Variants in PSMB9 observed in about 807,000 individuals in gnomAD.
PSMB9 encodes the protein proteasome subunit beta type-9.
In PSMB9, 16 loss-of-function variants were observed where a neutral mutation model predicts 26.9. The observed-to-expected ratio is 0.59, with a 90% CI of 0.40 to 0.90. The LOEUF is 0.90. Among genes scored for constraint, PSMB9 ranks in the 40% least tolerant of loss-of-function variants. The pLI is 0.00. For synonymous variants in PSMB9, 91 were observed against 112.0 expected, an observed-to-expected ratio of 0.81 and a Z score of 1.18; for missense variants, 253 against 292.2, an observed-to-expected ratio of 0.87 and a Z score of 0.98.
rs148645171 is a variant in PSMB9, at chr6:32,859,524, G to C, written c.652G>C (p.Asp218His). ...ILGNELPKFYDE is the reference protein window; with the variant it reads ...ILGNELPKFYHE ...GGGCAATGAACTGCCAAAATTCTAT[G>C]ATGAGTGAACCTTCCCCAGACTTCT... Residue 218 changes from aspartate to histidine, a missense_variant, in exon 6 of 6, where the codon GAT becomes CAT. Coordinates refer to ENST00000374859, the MANE Select transcript of PSMB9 (RefSeq NM_002800.5). 8.7e-5 allele frequency: 141 copies of C among 1,613,608 alleles called. 1 individual carries two copies. In the East Asian group the frequency reaches 1.0e-3, roughly 11 times the overall value.
intron 1 of PSMB9, 39 bp from the exon 2 acceptor site, chr6:32,856,099 T>C (rs780000701): frequency 6.4e-7 from 1 of 1,565,490 alleles, no homozygotes; most frequent in South Asian, 1.1e-5. Context: ...GCATCAAGGC[T>C]GTTCTTGCCC....
intron 5 of PSMB9, chr6:32,859,031 G>A (rs1469090920): frequency 5.2e-6 from 1 of 193,494 alleles, no homozygotes. Context: ...CAGCCTAGGT[G>A]ACAGAGAGAG....
rs200828307 is a variant in PSMB9 at position 32,857,363 on chromosome 6, G to A, written c.229G>A (p.Asp77Asn). ...GSAADAQAVA[D>N]MAAYQLELHG... ...AGCTGCTGATGCCCAAGCCGTGGCCGACATGGCCGCCTACCAGCTGGAGCT... is the reference window on the plus strand; with the variant it reads ...AGCTGCTGATGCCCAAGCCGTGGCCAACATGGCCGCCTACCAGCTGGAGCT... The change falls in exon 3 of 6, where the codon GAC (aspartate) becomes AAC (asparagine). Residue 77 changes from aspartate to asparagine, a missense_variant. Asp to Asn is a conservative substitution (Grantham distance 23). Transcript: ENST00000374859. 59 of 1,612,566 alleles carry A rather than the reference G, an allele frequency of 3.7e-5. No homozygotes were observed. Among genetic ancestry groups the A allele is most frequent in the Non-Finnish European group, 4.7e-5 (55 of 1,180,004 alleles).
Position 32,854,715 on chromosome 6 carries a change from A to T in PSMB9, c.60+426A>T, listed in dbSNP as rs1185667471. Among the ~76,000 whole-genome samples the T allele has an allele frequency of 6.6e-6, 1 of 152,208 alleles. No individual in the cohort carries two copies. Among genetic ancestry groups the T allele is most frequent in the Non-Finnish European group, 1.5e-5 (1 of 68,034 alleles). On this transcript the variant is annotated intron_variant, in intron 1 of 5. Coordinates refer to ENST00000374859, the MANE Select transcript of PSMB9 (RefSeq NM_002800.5). This position sits in a 1 kb window ranked among gnomAD's most constrained non-coding sequence, Gnocchi z 4.6. ...AAGGAAATATAGGCACTTATTGAGA[A>T]GGACCAACTCATCACACAGACTTTT... is the stretch of plus-strand genomic sequence containing the variant.
At position 32,858,175 on chromosome 6, in the gene PSMB9, A is replaced by C. The variant is rs752751804; in HGVS notation, c.390+41A>C. On this transcript the variant is annotated intron_variant, in intron 4 of 5. Coordinates refer to ENST00000374859, the MANE Select transcript of PSMB9 (RefSeq NM_002800.5). This position sits in a 1 kb window ranked among gnomAD's most constrained non-coding sequence, Gnocchi z 5.2. ...AGCACTCTCTCCTCTGGGCTTCCCC[A>C]CTCTCCTGCAGAGGAAGATGGAAGT... 5 of 1,610,902 alleles carry C rather than the reference A, an allele frequency of 3.1e-6. No individual in the cohort carries two copies. The highest frequency in any genetic ancestry group is 1.7e-5 in the Admixed American group (1 of 59,840).
chr6:32,856,383 A>T (rs1771161593), intron 2 of PSMB9, 178 bp downstream of exon 2: 1 of 629,168 alleles, frequency 1.6e-6, no homozygotes. Context: ...GAATTTGTGG[A>T]GGAGGATCTG....
intron 3 of PSMB9, 53 bp downstream of exon 3, chr6:32,857,447 C>A: frequency 6.3e-7 from 1 of 1,582,948 alleles, no homozygotes. Flanking sequence ...CCCCAACCTG[C>A]ATGAATCCCT....
chr6:32,857,964 C>A, intron 3 of PSMB9, 41 bp from the exon 4 acceptor site: 1 of 1,611,920 alleles, frequency 6.2e-7, no homozygotes. Flanking sequence ...GAGAATGAGA[C>A]TTAAAATTCT....
At position 32,857,951 on chromosome 6, in the gene PSMB9, T is replaced by C. The variant is rs557892734; in HGVS notation, c.261-54T>C. 1.9e-6 allele frequency: 3 copies of C among 1,607,358 alleles called. No individual in the cohort carries two copies. In the South Asian group the frequency reaches 3.3e-5, roughly 18 times the overall value. Reference sequence around the variant, plus strand: ...TTTAGCAGGGATGATGGTAACAGTATAGGAGAATGAGACTTAAAATTCTAT... The same window carrying C: ...TTTAGCAGGGATGATGGTAACAGTACAGGAGAATGAGACTTAAAATTCTAT... On this transcript the variant is annotated intron_variant, in intron 3 of 5. Coordinates refer to ENST00000374859, the MANE Select transcript of PSMB9 (RefSeq NM_002800.5).
At chr6:32,857,956 G>T in intron 3 of PSMB9, 49 bp from the exon 4 acceptor site, 17 of 1,610,272 alleles carry the variant, frequency 1.1e-5, no homozygotes, top group Non-Finnish European at 1.4e-5. Context: ...CAGTATAGGA[G>T]AATGAGACTT....
In PSMB9 at chr6:32,858,166, G is replaced by T. The variant is rs751924687; in HGVS notation, c.390+32G>T. On this transcript the variant is annotated intron_variant, in intron 4 of 5. Transcript: ENST00000374859. This position sits in a 1 kb window ranked among gnomAD's most constrained non-coding sequence, Gnocchi z 5.2. ...TTCTCCCAAAGCACTCTCTCCTCTG[G>T]GCTTCCCCACTCTCCTGCAGAGGAA... The T allele has an allele frequency of 3.7e-6, 6 of 1,612,148 alleles. No homozygotes were observed. Among genetic ancestry groups the T allele is most frequent in the Non-Finnish European group, 5.1e-6 (6 of 1,179,476 alleles).
In PSMB9 at chr6:32,857,170, C is replaced by T. The variant is rs141272379; in HGVS notation, c.129-93C>T. On this transcript the variant is annotated intron_variant, in intron 2 of 5. Coordinates refer to ENST00000374859, the MANE Select transcript of PSMB9 (RefSeq NM_002800.5). ...AGCCCAAGATTGATCCACTGCACTC[C>T]AGCCTGGGTGACAGAGTGAGACTGT... 1,047 of 1,424,462 alleles carry T rather than the reference C, an allele frequency of 7.4e-4. 8 individuals are homozygous for T. In the African/African-American group the frequency reaches 0.014, roughly 20 times the overall value. The allele number at this position is 1,424,462 out of a possible 1,614,324, so 88.2% of individuals were successfully genotyped here.
chr6:32,859,581 C>G lies in PSMB9; in HGVS notation c.*49C>G, dbSNP rs1771360851. The G allele has an allele frequency of 6.3e-7, 1 of 1,587,444 alleles. No homozygotes were observed. The highest frequency in any genetic ancestry group is 1.7e-5 in the Admixed American group (1 of 57,874). ...TATTTTGTAATAAACTCTCTAGGGC[C>G]AAAACCTGGTATGGTCATTGGGAAA... On this transcript the variant is annotated 3_prime_UTR_variant, in exon 6 of 6. Coordinates refer to ENST00000374859, the MANE Select transcript of PSMB9 (RefSeq NM_002800.5).
At position 32,856,164 on chromosome 6, in the gene PSMB9, C is replaced by T. The variant is rs1488870573; in HGVS notation, c.87C>T (p.Asp29=). The T allele has an allele frequency of 5.6e-6, 9 of 1,612,952 alleles. No homozygotes were observed. The highest frequency in any genetic ancestry group is 2.2e-5 in the South Asian group (2 of 91,074). Residue 29 remains aspartate (D), a synonymous_variant, in exon 2 of 6, where the codon GAC becomes GAT. Coordinates refer to ENST00000374859, the MANE Select transcript of PSMB9 (RefSeq NM_002800.5). The part of the protein sequence containing the change: ...TGTTIMAVEF[D]GGVVMGSDSR... ...CCACCATCATGGCAGTGGAGTTTGA[C>T]GGGGGCGTTGTGATGGGTTCTGATT...
In PSMB9 at chr6:32,857,301, C is replaced by T. The variant is rs756225240; in HGVS notation, c.167C>T (p.Pro56Leu). Reference sequence around the variant, plus strand: ...AACCGAGTGTTTGACAAGCTGTCCCCGCTGCACGAGCGCATCTACTGTGCA... The same window carrying T: ...AACCGAGTGTTTGACAAGCTGTCCCTGCTGCACGAGCGCATCTACTGTGCA... ...VVNRVFDKLS[P>L]LHERIYCALS... The change falls in exon 3 of 6, where the codon CCG becomes CTG. Residue 56 changes from proline to leucine, a missense_variant. Pro to Leu is a moderately conservative substitution (Grantham distance 98). Coordinates refer to ENST00000374859, the MANE Select transcript of PSMB9 (RefSeq NM_002800.5). The T allele has an allele frequency of 1.2e-5, 19 of 1,610,922 alleles. No individual in the cohort carries two copies. Among genetic ancestry groups the T allele is most frequent in the Non-Finnish European group, 1.5e-5 (18 of 1,178,854 alleles).
Position 32,858,156 on chromosome 6 carries a change from C to G in PSMB9, c.390+22C>G. 1.2e-6 allele frequency: 2 copies of G among 1,612,722 alleles called. No individual in the cohort carries two copies. Among genetic ancestry groups the G allele is most frequent in the Non-Finnish European group, 1.7e-6 (2 of 1,179,760 alleles). Reference sequence around the variant, plus strand: ...TCAGGTGAGTTTCTCCCAAAGCACTCTCTCCTCTGGGCTTCCCCACTCTCC... The same window carrying G: ...TCAGGTGAGTTTCTCCCAAAGCACTGTCTCCTCTGGGCTTCCCCACTCTCC... On this transcript the variant is annotated intron_variant, in intron 4 of 5. Transcript: ENST00000374859. The surrounding 1 kb of genome is among the most constrained non-coding windows in gnomAD (Gnocchi z 5.2).
chr6:32,856,206 G>T lies in PSMB9; in HGVS notation c.128+1G>T. On this transcript the variant is annotated splice_donor_variant, in intron 2 of 5. Transcript: ENST00000374859. LOFTEE classifies it high-confidence loss of function. ...GTTCTGATTCCCGAGTGTCTGCAGG[G>T]TGAGTAAAAGTGAAGATGTATGCAT... The T allele has an allele frequency of 6.2e-7, 1 of 1,611,334 alleles. No homozygotes were observed. Among genetic ancestry groups the T allele is most frequent in the Admixed American group, 1.7e-5 (1 of 60,018 alleles).
intron 2 of PSMB9, 30 bp downstream of exon 2, chr6:32,856,235 G>A: frequency 6.3e-7 from 1 of 1,596,624 alleles, no homozygotes; most frequent in Non-Finnish European, 8.6e-7. Flanking sequence ...TATGCATTTG[G>A]AAAGAAGCTA....
rs1181719996 is a variant in PSMB9 at position 32,858,202 on chromosome 6, C to G, written c.390+68C>G. 4 of 1,602,418 alleles carry G rather than the reference C, an allele frequency of 2.5e-6. No homozygotes were observed. Among genetic ancestry groups the G allele is most frequent in the Non-Finnish European group, 3.4e-6 (4 of 1,173,680 alleles). The stretch of plus-strand genomic sequence containing the variant: ...TCTCCTGCAGAGGAAGATGGAAGTC[C>G]TATGTCATTCTAGCAATGAGTTCCA... On this transcript the variant is annotated intron_variant, in intron 4 of 5. Transcript: ENST00000374859. The surrounding 1 kb of genome is among the most constrained non-coding windows in gnomAD (Gnocchi z 5.2).
Sources: allele counts gnomAD v4.1 joint callset (sites outside exome capture counted in the v4.1 genomes callset), GRCh38; gene constraint gnomAD v4.1.1; non-coding constraint Gnocchi (gnomAD v3.1); transcripts MANE v1.5; gene names NCBI Gene and HGNC (gene_info 2026-07-23, HGNC 2026-07-21).